CCDC141: variants seen among roughly 807,000 people sequenced by gnomAD.
The protein encoded by CCDC141 is coiled-coil domain-containing protein 141.
A neutral mutation model predicts 181.0 loss-of-function variants in CCDC141; 168 were observed. The observed-to-expected ratio is 0.93, with a 90% confidence interval of 0.82 to 1.05. The LOEUF (loss-of-function observed/expected upper bound fraction) is 1.05, where lower values mean the gene tolerates loss of function less well. Ranked by LOEUF, CCDC141 falls within the 50% of genes least tolerant of loss-of-function variation. The probability of loss-of-function intolerance (pLI) is 0.00; values close to 1 mark genes in which losing one functional copy is unlikely to be tolerated. For synonymous variants in CCDC141, 666 were observed against 642.3 expected (o/e 1.04, Z -0.56); for missense variants, 1,902 against 1,788.5 (o/e 1.06, Z -1.14).
intron 12 of CCDC141, chr2:178,873,657 G>A (rs1686221276): frequency 6.6e-6 from 1 of 152,204 alleles, no homozygotes; most frequent in Non-Finnish European, 1.5e-5. Context: ...TCTGTGAAAA[G>A]TGATCATGTA....
At chr2:178,918,126 G>T (rs1458010710) in intron 7 of CCDC141, among the ~76,000 whole-genome samples, 1 of 152,074 alleles carries the variant, frequency 6.6e-6, no homozygotes, top group Non-Finnish European at 1.5e-5. Context: ...AAACCCTCAT[G>T]AGGCTAGGCA....
At chr2:178,818,633 A>G in the CCDC141 span, among the ~76,000 whole-genome samples, 1 of 152,210 alleles carries the variant, frequency 6.6e-6, no homozygotes, top group South Asian at 2.1e-4. Flanking sequence ...GCTGCATAGC[A>G]TTCCATGGTG....
downstream of CCDC141, among the ~76,000 whole-genome samples, chr2:178,827,112 A>G (rs1224510309): frequency 6.6e-6 from 1 of 152,140 alleles, no homozygotes; most frequent in Admixed American, 6.5e-5. Context: ...TTTTTGATCT[A>G]CATGTTATTT....
chr2:178,823,382 C>T, the CCDC141 span, among the ~76,000 whole-genome samples: 1 of 152,016 alleles, frequency 6.6e-6, no homozygotes, highest in Non-Finnish European at 1.5e-5. Context: ...CTGTTGTTTC[C>T]AGGTATTTAG....
chr2:178,971,462 C>T (rs1690884489), intron 4 of CCDC141, among the ~76,000 whole-genome samples: 1 of 152,192 alleles, frequency 6.6e-6, no homozygotes. Context: ...GATGCTTTTA[C>T]ACTGTTGGTG....
At chr2:178,844,655 T>G (rs918539229) in intron 22 of CCDC141, among the ~76,000 whole-genome samples, 1 of 152,162 alleles carries the variant, frequency 6.6e-6, no homozygotes, top group Non-Finnish European at 1.5e-5. Context: ...TTGACATAGA[T>G]TAACCTGTGG....
At chr2:178,815,924 G>A in the CCDC141 span, among the ~76,000 whole-genome samples, 22 of 152,104 alleles carry the variant, frequency 1.4e-4, no homozygotes, top group Non-Finnish European at 2.8e-4. Context: ...GGTTAGTTGA[G>A]TAACAACTGT....
At chr2:178,910,377 C>T (rs1193608227) in intron 7 of CCDC141, among the ~76,000 whole-genome samples, 2 of 152,178 alleles carry the variant, frequency 1.3e-5, no homozygotes, top group Non-Finnish European at 2.9e-5. Flanking sequence ...AAATTTCCTT[C>T]CACGAGTCTA....
chr2:178,981,182 T>C (rs1691372235), intron 2 of CCDC141, among the ~76,000 whole-genome samples: 1 of 152,154 alleles, frequency 6.6e-6, no homozygotes, highest in African/African-American at 2.4e-5. Context: ...CAGTAATCAT[T>C]ATATCCAGCA....
chr2:178,971,089 T>A (rs1430092134), intron 4 of CCDC141, among the ~76,000 whole-genome samples: 1 of 151,898 alleles, frequency 6.6e-6, no homozygotes, highest in Non-Finnish European at 1.5e-5. Context: ...GGGCCTGAAG[T>A]CCCAGCTACT....
chr2:178,905,396 T>C lies in CCDC141; in HGVS notation c.1198A>G (p.Ile400Val), dbSNP rs1229951480. The C allele has an allele frequency of 1.3e-6, 2 of 1,550,808 alleles. No homozygotes were observed. The highest frequency in any genetic ancestry group is 1.7e-6 in the Non-Finnish European group (2 of 1,146,978). ...AAAGCATCAGTTGTGCAGTCTTTAA[T>C]TTTTCTGTGTAATTCCTCATGCCTC... ...AVRHEELHRK[I>V]KDCTTDALQK... The change falls in exon 8 of 24, where the codon ATT becomes GTT. Residue 400 changes from isoleucine to valine, a missense_variant. By Grantham distance (29) the Ile-to-Val change is conservative. Coordinates refer to ENST00000443758, the MANE Select transcript of CCDC141 (RefSeq NM_173648.4).
Position 178,834,343 on chromosome 2 carries a change from C to T in CCDC141, c.4423G>A (p.Asp1475Asn), listed in dbSNP as rs754101714. The change falls in exon 24 of 24, where the codon GAC becomes AAC. Residue 1475 changes from aspartate to asparagine, a missense_variant. Transcript: ENST00000443758. ...SVFIPKVCKA[D>N]AGLYVARAQN... Reference sequence around the variant, plus strand: ...GCCCGAGCCACATAGAGGCCTGCGTCTGCCTTGCATACCTTTGGAATGAAC... The same window carrying T: ...GCCCGAGCCACATAGAGGCCTGCGTTTGCCTTGCATACCTTTGGAATGAAC... 4.6e-5 allele frequency: 70 copies of T among 1,536,106 alleles called. 1 individual carries two copies. In the South Asian group the frequency reaches 7.6e-4, roughly 17 times the overall value.
intron 2 of CCDC141, among the ~76,000 whole-genome samples, chr2:179,029,030 C>T (rs1044134044): frequency 2.0e-5 from 3 of 152,166 alleles, no homozygotes; most frequent in Non-Finnish European, 4.4e-5. Flanking sequence ...ACAATGTAGC[C>T]TCATCTCATA....
intron 21 of CCDC141, among the ~76,000 whole-genome samples, chr2:178,846,837 T>A (rs1684959635): frequency 6.6e-6 from 1 of 152,222 alleles, no homozygotes; most frequent in African/African-American, 2.4e-5. Flanking sequence ...CTGGAGATAA[T>A]GTATATGAAC....
At chr2:178,981,402 A>G (rs931735452) in intron 2 of CCDC141, among the ~76,000 whole-genome samples, 1 of 151,754 alleles carries the variant, frequency 6.6e-6, no homozygotes, top group African/African-American at 2.4e-5. Flanking sequence ...ATATACTCTC[A>G]GACCACAAAA....
intron 12 of CCDC141, chr2:178,874,192 AT>A (rs1160605794): frequency 1.3e-5 from 2 of 152,238 alleles, no homozygotes; most frequent in Non-Finnish European, 2.9e-5. Flanking sequence ...AATAAAAAAA[AT>A]CGTTTTACTT....
chr2:178,971,169 C>T (rs2154379990), intron 4 of CCDC141, among the ~76,000 whole-genome samples: 1 of 152,264 alleles, frequency 6.6e-6, no homozygotes, highest in South Asian at 2.1e-4. Flanking sequence ...GATTGCACCA[C>T]TGCACTCCAG....
chr2:178,981,339 T>C (rs1019733975), intron 2 of CCDC141, among the ~76,000 whole-genome samples: 13 of 151,762 alleles, frequency 8.6e-5, no homozygotes, highest in Non-Finnish European at 1.2e-4. Flanking sequence ...ATAGGCCATA[T>C]CCTGGGCCAT....
At position 178,899,001 on chromosome 2, in the gene CCDC141, C is replaced by G. The variant is rs542931070; in HGVS notation, c.1265+6328G>C. On this transcript the variant is annotated intron_variant, in intron 8 of 23. Coordinates refer to ENST00000443758, the MANE Select transcript of CCDC141 (RefSeq NM_173648.4). ...AATCATTTGAAACAACCATATTACC[C>G]TCAGTATTTTTTTAAGCTCTTTATA... Among the ~76,000 whole-genome samples the G allele has an allele frequency of 7.3e-4, 111 of 152,222 alleles. No homozygotes were observed. In the Middle Eastern group the frequency reaches 0.01, roughly 14 times the overall value.
Sources: allele counts gnomAD v4.1 joint callset (sites outside exome capture counted in the v4.1 genomes callset), GRCh38; gene constraint gnomAD v4.1.1; transcripts MANE v1.5; gene names NCBI Gene and HGNC (gene_info 2026-07-23, HGNC 2026-07-21).